Variants in ZPBP observed in about 807,000 individuals in gnomAD.
The protein encoded by ZPBP is zona pellucida binding protein, also known as zona pellucida-binding protein 1.
In ZPBP, 26 loss-of-function variants were observed where a neutral mutation model predicts 44.8. The ratio of observed to expected loss-of-function variants is 0.58; its 90% CI spans 0.43 to 0.81. The LOEUF (loss-of-function observed/expected upper bound fraction) is 0.81. Among genes scored for constraint, ZPBP ranks in the 30% least tolerant of loss-of-function variants. The probability of loss-of-function intolerance (pLI) is 0.00; values close to 1 mark genes in which losing one functional copy is unlikely to be tolerated. For synonymous variants in ZPBP, 174 were observed against 153.2 expected (o/e 1.14, Z -1.00); for missense variants, 409 against 434.0 (o/e 0.94, Z 0.51).
At chr7:49,857,912 C>G (rs1472890943) in intron 2 of ZPBP, among the ~76,000 whole-genome samples, 1 of 152,148 alleles carries the variant, frequency 6.6e-6, no homozygotes, top group Non-Finnish European at 1.5e-5. Flanking sequence ...TTTGGTGTTT[C>G]CACAGGTCTA....
chr7:50,009,197 A>T (rs918073328), intron 6 of ZPBP, among the ~76,000 whole-genome samples: 8 of 146,830 alleles, frequency 5.4e-5, no homozygotes, highest in Non-Finnish European at 1.2e-4. Flanking sequence ...AGATTGTAAC[A>T]CTGCACTCCA....
intron 2 of ZPBP, among the ~76,000 whole-genome samples, chr7:49,852,930 T>G (rs1355015147): frequency 6.6e-6 from 1 of 151,938 alleles, no homozygotes; most frequent in African/African-American, 2.4e-5. Context: ...CAAGAATGAG[T>G]GTGGAGAAGT....
downstream of ZPBP, among the ~76,000 whole-genome samples, chr7:49,934,579 T>C (rs1217618873): frequency 1.3e-5 from 2 of 152,174 alleles, no homozygotes; most frequent in Non-Finnish European, 2.9e-5. Flanking sequence ...AATTAATTTG[T>C]AAATGTGATT....
chr7:49,976,867 C>T (rs1042110792), intron 7 of ZPBP, among the ~76,000 whole-genome samples: 3 of 151,874 alleles, frequency 2.0e-5, no homozygotes, highest in Admixed American at 1.3e-4. Flanking sequence ...CTCTGGGAGG[C>T]GGAGGCGGGC....
rs557108343 is a variant in ZPBP, at chr7:50,069,811, G to A, written c.335-11670C>T. Among the ~76,000 whole-genome samples the A allele has an allele frequency of 3.2e-4, 49 of 152,094 alleles. No individual in the cohort carries two copies. In the East Asian group the frequency reaches 3.9e-3, roughly 12 times the overall value. On this transcript the variant is annotated intron_variant, in intron 3 of 7. Coordinates refer to ENST00000046087, the MANE Select transcript of ZPBP (RefSeq NM_007009.3). ...TTTCAGACACTGCTCAGCCAGGAAC[G>A]TGCCTTCCCCTGTCATAGCCTGCTG...
At chr7:49,967,782 G>A (rs1301281445) in intron 7 of ZPBP, among the ~76,000 whole-genome samples, 1 of 152,130 alleles carries the variant, frequency 6.6e-6, no homozygotes, top group Non-Finnish European at 1.5e-5. Context: ...CTGACCTCAG[G>A]TGATCTGCCC....
chr7:49,879,349 T>C (rs571726055), intron 2 of ZPBP, among the ~76,000 whole-genome samples: 3 of 152,202 alleles, frequency 2.0e-5, no homozygotes, highest in Non-Finnish European at 4.4e-5. Context: ...TAATTTTTAT[T>C]ATTTGCTGGA....
chr7:50,093,203 C>A lies in ZPBP; in HGVS notation c.-9G>T. The A allele has an allele frequency of 4.6e-6, 7 of 1,515,468 alleles. No individual in the cohort carries two copies. Among genetic ancestry groups the A allele is most frequent in the Non-Finnish European group, 6.2e-6 (7 of 1,134,384 alleles). 93.9% of individuals were successfully genotyped at this position (1,515,468 alleles called of 1,614,324 possible). ...AGGGCGAAGGCCTCCATCCACACGC[C>A]GCCGTCGCCTGCCCACCGTCCGCGC... On this transcript the variant is annotated 5_prime_UTR_variant, in exon 1 of 8. Transcript: ENST00000046087.
intron 7 of ZPBP, chr7:49,942,477 A>G (rs1017601078): frequency 1.3e-5 from 2 of 151,904 alleles, no homozygotes; most frequent in African/African-American, 4.9e-5. Context: ...TTTTTTGGTA[A>G]ATGCTGTGTA....
intron 4 of ZPBP, among the ~76,000 whole-genome samples, chr7:50,046,253 T>C (rs1198324440): frequency 1.3e-5 from 2 of 152,138 alleles, no homozygotes; most frequent in Non-Finnish European, 2.9e-5. Context: ...ACTTCGTGAC[T>C]AAAACACCAA....
At chr7:49,994,123 C>T (rs1797696736) in intron 6 of ZPBP, among the ~76,000 whole-genome samples, 1 of 152,222 alleles carries the variant, frequency 6.6e-6, no homozygotes, top group South Asian at 2.1e-4. Flanking sequence ...TATATAATTT[C>T]ACATCTGGCC....
At chr7:49,952,904 G>C (rs752154170) in intron 7 of ZPBP, among the ~76,000 whole-genome samples, 46 of 151,882 alleles carry the variant, frequency 3.0e-4, no homozygotes, top group Non-Finnish European at 5.6e-4. Flanking sequence ...TTACCAGATG[G>C]AATAATAGGA....
At chr7:49,901,389 TTCAA>T (rs1792715814) in intron 1 of ZPBP, among the ~76,000 whole-genome samples, 1 of 151,788 alleles carries the variant, frequency 6.6e-6, no homozygotes, top group Non-Finnish European at 1.5e-5. Context: ...ATAGACAAAA[TTCAA>T]TCACTTTCCT....
chr7:49,869,807 T>A (rs953875882), intron 2 of ZPBP, among the ~76,000 whole-genome samples: 2 of 151,996 alleles, frequency 1.3e-5, no homozygotes, highest in South Asian at 4.1e-4. Context: ...ATTTATAAAA[T>A]GTACATATAT....
downstream of ZPBP, among the ~76,000 whole-genome samples, chr7:49,850,263 A>G (rs1790123432): frequency 6.6e-6 from 1 of 152,208 alleles, no homozygotes; most frequent in Non-Finnish European, 1.5e-5. Flanking sequence ...CACACCAGGG[A>G]CCTAGAATTA....
At chr7:49,924,715 C>A (rs1040143765) in intron 1 of ZPBP, among the ~76,000 whole-genome samples, 1 of 152,056 alleles carries the variant, frequency 6.6e-6, no homozygotes, top group Non-Finnish European at 1.5e-5. Flanking sequence ...GATAGACTAG[C>A]CCCATTTCTC....
intron 2 of ZPBP, among the ~76,000 whole-genome samples, chr7:49,898,744 C>T (rs539716372): frequency 6.6e-6 from 1 of 152,142 alleles, no homozygotes; most frequent in East Asian, 1.9e-4. Flanking sequence ...ATAAGATACT[C>T]TCATTACCCA....
At chr7:50,027,773 G>A (rs538389917) in intron 5 of ZPBP, among the ~76,000 whole-genome samples, 4 of 151,868 alleles carry the variant, frequency 2.6e-5, no homozygotes, top group Admixed American at 2.6e-4. Context: ...GATAACAAGA[G>A]AACAATATAA....
chr7:50,012,839 G>A (rs62447761), intron 6 of ZPBP, among the ~76,000 whole-genome samples: 76,149 of 151,106 alleles, frequency 0.5, 19,946 homozygotes, highest in East Asian at 0.67. Flanking sequence ...TAAAAATAAT[G>A]AAGTAACACT....
Sources: allele counts gnomAD v4.1 joint callset (sites outside exome capture counted in the v4.1 genomes callset), GRCh38; gene constraint gnomAD v4.1.1; transcripts MANE v1.5; gene names NCBI Gene and HGNC (gene_info 2026-07-23, HGNC 2026-07-21).